SLC24A2: variants seen among roughly 807,000 people sequenced by gnomAD.
SLC24A2 encodes the protein solute carrier family 24 member 2, also known as sodium/potassium/calcium exchanger 2.
SLC24A2 carries 36 observed loss-of-function variants against 62.0 expected under a neutral mutation model. The ratio of observed to expected loss-of-function variants is 0.58; its 90% confidence interval spans 0.44 to 0.77. The LOEUF (loss-of-function observed/expected upper bound fraction) is 0.77. Ranked by LOEUF, SLC24A2 falls within the 30% of genes least tolerant of loss-of-function variation. The pLI, the probability that SLC24A2 is intolerant of heterozygous loss-of-function variation, is 0.00. For synonymous variants in SLC24A2, 358 were observed against 294.0 expected, an observed-to-expected ratio of 1.22 and a Z score of -2.23; for missense variants, 846 against 817.9, an observed-to-expected ratio of 1.03 and a Z score of -0.42.
chr9:19,991,412 C>T, the SLC24A2 span, among the ~76,000 whole-genome samples: 1 of 152,138 alleles, frequency 6.6e-6, no homozygotes, highest in African/African-American at 2.4e-5. Context: ...TTAGATGGTG[C>T]CTACCCAGAT....
chr9:19,968,166 T>G, the SLC24A2 span, among the ~76,000 whole-genome samples: 6 of 152,184 alleles, frequency 3.9e-5, no homozygotes, highest in Non-Finnish European at 7.3e-5. Flanking sequence ...CCTGGTTTGT[T>G]TTCATCATCA....
At chr9:20,163,617 A>G in the SLC24A2 span, among the ~76,000 whole-genome samples, 1 of 152,164 alleles carries the variant, frequency 6.6e-6, no homozygotes, top group African/African-American at 2.4e-5. Context: ...TCTTCACAGA[A>G]TTGGAAAAAA....
chr9:19,546,295 C>G (rs1378758106), intron 8 of SLC24A2, among the ~76,000 whole-genome samples: 1 of 152,246 alleles, frequency 6.6e-6, no homozygotes, highest in Non-Finnish European at 1.5e-5. Context: ...CCTACAACCG[C>G]CCCTTCCGCC....
At chr9:19,731,942 T>A (rs1426990188) in intron 2 of SLC24A2, among the ~76,000 whole-genome samples, 2 of 152,204 alleles carry the variant, frequency 1.3e-5, no homozygotes, top group African/African-American at 4.8e-5. Flanking sequence ...ATATTATCTC[T>A]TTTGTCTGTG....
chr9:19,923,227 A>C, the SLC24A2 span, among the ~76,000 whole-genome samples: 5 of 152,126 alleles, frequency 3.3e-5, no homozygotes, highest in Non-Finnish European at 7.3e-5. Context: ...AAAGATGTCC[A>C]AGGACACCCA....
the SLC24A2 span, among the ~76,000 whole-genome samples, chr9:20,093,880 A>C: frequency 6.6e-6 from 1 of 152,240 alleles, no homozygotes; most frequent in Non-Finnish European, 1.5e-5. Context: ...TTACTCTGAA[A>C]TGATTATCAT....
chr9:20,101,919 G>A, the SLC24A2 span, among the ~76,000 whole-genome samples: 6 of 152,228 alleles, frequency 3.9e-5, no homozygotes, highest in African/African-American at 1.2e-4. Context: ...AAAGTGACAT[G>A]GGACAAACAC....
At chr9:20,069,248 A>T in the SLC24A2 span, among the ~76,000 whole-genome samples, 1 of 152,204 alleles carries the variant, frequency 6.6e-6, no homozygotes, top group Admixed American at 6.5e-5. Flanking sequence ...ACAGAATTAC[A>T]TCGTTTTATT....
chr9:19,641,886 C>T (rs1818504317), intron 2 of SLC24A2, among the ~76,000 whole-genome samples: 1 of 152,158 alleles, frequency 6.6e-6, no homozygotes, highest in Non-Finnish European at 1.5e-5. Flanking sequence ...TTTTCTTCTC[C>T]TTTTCTCCCA....
the SLC24A2 span, among the ~76,000 whole-genome samples, chr9:20,156,100 G>T: frequency 1.3e-5 from 2 of 151,606 alleles, no homozygotes. Context: ...AACATTGCTG[G>T]ATGGCATATT....
chr9:19,967,940 T>C, the SLC24A2 span: 1 of 152,188 alleles, frequency 6.6e-6, no homozygotes, highest in South Asian at 2.1e-4. Flanking sequence ...AGGTTGGATT[T>C]GAAATAACTT....
chr9:19,749,832 C>T (rs150376851), intron 2 of SLC24A2, among the ~76,000 whole-genome samples: 104 of 152,302 alleles, frequency 6.8e-4, no homozygotes, highest in South Asian at 1.2e-3. Flanking sequence ...AGTCCATATG[C>T]TCACAACTGG....
chr9:19,779,206 T>C (rs1389870376), intron 2 of SLC24A2, among the ~76,000 whole-genome samples: 9 of 152,238 alleles, frequency 5.9e-5, no homozygotes, highest in African/African-American at 1.7e-4. Flanking sequence ...TATAGGAAGA[T>C]TGGGGTAGAG....
rs1402350017 is a variant in SLC24A2, at chr9:19,622,285, C to G, written c.945G>C (p.Arg315Ser). Residue 315 changes from arginine (R) to serine (S), a missense_variant, in exon 3 of 11, where the codon AGG (arginine) becomes AGC (serine). Transcript: ENST00000341998. ...CCGGTAGAGTTGGTTCATCCTTGTC[C>G]CTGGCTGCAGATGGCTGCATAAGAG... is the stretch of plus-strand genomic sequence containing the variant. Reference protein sequence around the residue: ...PEAQAKPSAARDKDEPTLPAK... With the variant: ...PEAQAKPSAASDKDEPTLPAK... 1 of 1,613,138 alleles carries G rather than the reference C, an allele frequency of 6.2e-7. No individual in the cohort carries two copies. Among genetic ancestry groups the G allele is most frequent in the Admixed American group, 1.7e-5 (1 of 59,954 alleles).
At chr9:19,741,162 T>C (rs1587251559) in intron 2 of SLC24A2, among the ~76,000 whole-genome samples, 2 of 152,196 alleles carry the variant, frequency 1.3e-5, no homozygotes, top group South Asian at 4.1e-4. Flanking sequence ...TTGTGTGCTA[T>C]TGATTCCGCT....
At chr9:19,611,975 A>G (rs1837186915) in intron 4 of SLC24A2, among the ~76,000 whole-genome samples, 1 of 152,168 alleles carries the variant, frequency 6.6e-6, no homozygotes, top group African/African-American at 2.4e-5. Flanking sequence ...GGCTCTGACA[A>G]CCTGCATTAA....
intron 2 of SLC24A2, among the ~76,000 whole-genome samples, chr9:19,741,481 T>C (rs1821676331): frequency 6.6e-6 from 1 of 152,210 alleles, no homozygotes. Flanking sequence ...CAACACTCTC[T>C]GCTCCAAGTA....
chr9:19,563,587 C>T (rs960570476), intron 7 of SLC24A2, among the ~76,000 whole-genome samples: 3 of 152,230 alleles, frequency 2.0e-5, no homozygotes, highest in Admixed American at 6.5e-5. Context: ...ACATTTATTA[C>T]GAAATCTTCC....
chr9:19,867,648 G>T, the SLC24A2 span, among the ~76,000 whole-genome samples: 1 of 152,126 alleles, frequency 6.6e-6, no homozygotes, highest in Non-Finnish European at 1.5e-5. Flanking sequence ...AGTGGCTCAC[G>T]CCTGTAATCC....
Sources: gnomAD v4.1 joint callset for allele counts (sites outside exome capture counted in the v4.1 genomes callset) on GRCh38, gnomAD v4.1.1 for gene constraint, MANE v1.5 for transcripts, NCBI Gene and HGNC (gene_info 2026-07-23, HGNC 2026-07-21) for gene names.